The following NRXN3 variants were observed in gnomAD, a reference collection of about 807,000 sequenced individuals.
The protein encoded by NRXN3 is neurexin III.
NRXN3 carries 32 observed loss-of-function variants against 137.6 expected under a neutral mutation model. That is an observed-to-expected ratio of 0.23 (90% CI 0.18 to 0.31). The LOEUF (loss-of-function observed/expected upper bound fraction) is 0.31, where lower values mean the gene tolerates loss of function less well. Among genes scored for constraint, NRXN3 ranks in the 10% least tolerant of loss-of-function variants. The pLI, the probability that NRXN3 is intolerant of heterozygous loss-of-function variation, is 1.00. For missense variants in NRXN3, 1,574 were observed against 2,062.5 expected (o/e 0.76, Z 4.59); for synonymous variants, 798 against 784.5 (o/e 1.02, Z -0.29).
chr14:79,536,200 A>T (rs1202574461), intron 16 of NRXN3, among the ~76,000 whole-genome samples: 1 of 152,140 alleles, frequency 6.6e-6, no homozygotes, highest in African/African-American at 2.4e-5. Context: ...CATATGTTGG[A>T]CTCTATATGG....
At chr14:78,929,169 G>C (rs1254159444) in intron 10 of NRXN3, among the ~76,000 whole-genome samples, 4 of 152,006 alleles carry the variant, frequency 2.6e-5, no homozygotes, top group African/African-American at 9.7e-5. Flanking sequence ...TTGTAAATTT[G>C]TTTAAGTTCT....
chr14:78,685,877 G>C (rs2098121403), intron 6 of NRXN3, among the ~76,000 whole-genome samples: 2 of 145,818 alleles, frequency 1.4e-5, no homozygotes, highest in Non-Finnish European at 3.0e-5. Flanking sequence ...TCGAACTCCT[G>C]ACCTCAGGTG....
intron 19 of NRXN3, among the ~76,000 whole-genome samples, chr14:79,790,532 C>T (rs1005489994): frequency 1.3e-5 from 2 of 150,678 alleles, no homozygotes; most frequent in African/African-American, 4.9e-5. Context: ...TGGTCTCAAA[C>T]TTCTGAGTTC....
intron 8 of NRXN3, among the ~76,000 whole-genome samples, chr14:78,778,552 T>C (rs897611462): frequency 6.6e-6 from 1 of 152,132 alleles, no homozygotes; most frequent in Non-Finnish European, 1.5e-5. Flanking sequence ...TACAAGCTAA[T>C]TTTTCCAGGG....
chr14:78,773,748 G>C (rs1405131524), intron 8 of NRXN3, among the ~76,000 whole-genome samples: 1 of 151,936 alleles, frequency 6.6e-6, no homozygotes, highest in East Asian at 1.9e-4. Flanking sequence ...TTAATTTTAG[G>C]TGAGTTTTCT....
chr14:78,366,199 T>A (rs1413090266), intron 4 of NRXN3, among the ~76,000 whole-genome samples: 1 of 152,176 alleles, frequency 6.6e-6, no homozygotes, highest in African/African-American at 2.4e-5. Context: ...CAGTAAAAGC[T>A]AGCTATTATA....
chr14:79,555,718 G>C (rs1043218815), intron 16 of NRXN3, among the ~76,000 whole-genome samples: 1 of 152,130 alleles, frequency 6.6e-6, no homozygotes, highest in African/African-American at 2.4e-5. Context: ...AGCAAGTTCA[G>C]AGACTTGGTA....
chr14:79,392,319 C>T (rs1345705508), intron 15 of NRXN3, among the ~76,000 whole-genome samples: 12 of 152,160 alleles, frequency 7.9e-5, no homozygotes, highest in Non-Finnish European at 1.2e-4. Context: ...GCGAAGTACA[C>T]GAACTCATCC....
At chr14:79,814,890 G>A (rs1175673512) in intron 20 of NRXN3, among the ~76,000 whole-genome samples, 1 of 151,906 alleles carries the variant, frequency 6.6e-6, no homozygotes, top group Non-Finnish European at 1.5e-5. Context: ...AGGCATCTGA[G>A]GATGGGAAAA....
intron 8 of NRXN3, among the ~76,000 whole-genome samples, chr14:78,789,718 T>G (rs1241028541): frequency 6.6e-6 from 1 of 152,202 alleles, no homozygotes; most frequent in Non-Finnish European, 1.5e-5. Context: ...TTTCATTTCA[T>G]GCACTTGTGA....
At chr14:79,282,110 A>T (rs1296755722) in intron 15 of NRXN3, among the ~76,000 whole-genome samples, 4 of 151,938 alleles carry the variant, frequency 2.6e-5, no homozygotes, top group Non-Finnish European at 5.9e-5. Flanking sequence ...GGCTCCCTTA[A>T]AAAAGAAAGA....
intron 8 of NRXN3, among the ~76,000 whole-genome samples, chr14:78,725,105 C>T (rs1169390754): frequency 6.6e-6 from 1 of 152,190 alleles, no homozygotes; most frequent in Non-Finnish European, 1.5e-5. Context: ...AATCAGAAGC[C>T]TCATGAAATC....
chr14:78,997,529 A>G (rs998710504), intron 15 of NRXN3, among the ~76,000 whole-genome samples: 1 of 152,252 alleles, frequency 6.6e-6, no homozygotes, highest in Admixed American at 6.5e-5. Context: ...AGTTATTTCC[A>G]CATCTAAAGG....
chr14:79,604,775 T>C (rs899545828), intron 16 of NRXN3, among the ~76,000 whole-genome samples: 1 of 152,154 alleles, frequency 6.6e-6, no homozygotes, highest in African/African-American at 2.4e-5. Context: ...CTCATGCCTA[T>C]AATCCCAGCA....
chr14:79,387,126 T>G (rs865812131), intron 15 of NRXN3, among the ~76,000 whole-genome samples: 1 of 152,034 alleles, frequency 6.6e-6, no homozygotes, highest in African/African-American at 2.4e-5. Context: ...CTAAAGAGCT[T>G]CTGCACAGCA....
intron 16 of NRXN3, among the ~76,000 whole-genome samples, chr14:79,527,466 C>T (rs1482910691): frequency 6.6e-6 from 1 of 151,696 alleles, no homozygotes; most frequent in Non-Finnish European, 1.5e-5. Context: ...ATACTAGGGT[C>T]AGGGAAGATA....
chr14:79,651,435 T>C (rs1453452562), intron 16 of NRXN3, among the ~76,000 whole-genome samples: 2 of 152,192 alleles, frequency 1.3e-5, no homozygotes, highest in African/African-American at 2.4e-5. Context: ...CTTTCACCAT[T>C]GTGTCAGATG....
intron 16 of NRXN3, among the ~76,000 whole-genome samples, chr14:79,656,870 T>A (rs1418673854): frequency 6.6e-6 from 1 of 152,060 alleles, no homozygotes; most frequent in Non-Finnish European, 1.5e-5. Context: ...GAGAAATAGT[T>A]TTCAAGCCAT....
intron 8 of NRXN3, among the ~76,000 whole-genome samples, chr14:78,771,463 A>C (rs1213780342): frequency 6.6e-6 from 1 of 152,228 alleles, no homozygotes; most frequent in Non-Finnish European, 1.5e-5. Context: ...ATGAGTATTA[A>C]CTGCTGAGAT....
Sources: allele counts gnomAD v4.1 joint callset (sites outside exome capture counted in the v4.1 genomes callset), GRCh38; gene constraint gnomAD v4.1.1; transcripts MANE v1.5; gene names NCBI Gene and HGNC (gene_info 2026-07-23, HGNC 2026-07-21).